STAT4: variants seen among roughly 807,000 people sequenced by gnomAD.
STAT4 encodes signal transducer and activator of transcription 4.
STAT4 carries 42 observed loss-of-function variants against 110.5 expected under a neutral mutation model. The ratio of observed to expected loss-of-function variants is 0.38; its 90% confidence interval spans 0.30 to 0.49. The LOEUF (loss-of-function observed/expected upper bound fraction) is 0.49, where lower values mean the gene tolerates loss of function less well. Ranked by LOEUF, STAT4 falls within the 20% of genes least tolerant of loss-of-function variation. STAT4 has a pLI of 0.95. For synonymous variants in STAT4, 284 were observed against 302.2 expected (o/e 0.94, Z 0.63); for missense variants, 632 against 887.9 (o/e 0.71, Z 3.66).
chr2:191,064,202 T>C (rs975253849), intron 8 of STAT4, among the ~76,000 whole-genome samples: 81 of 152,368 alleles, frequency 5.3e-4, no homozygotes, highest in African/African-American at 1.9e-3. Flanking sequence ...TTTTGATGTA[T>C]GTAAACATTT....
intron 18 of STAT4, among the ~76,000 whole-genome samples, 157 bp downstream of exon 18, chr2:191,034,391 C>A (rs1695987227): frequency 6.6e-6 from 1 of 150,730 alleles, no homozygotes; most frequent in Non-Finnish European, 1.5e-5. Flanking sequence ...CCACTGCACT[C>A]CAGCCTGGGT....
intron 3 of STAT4, among the ~76,000 whole-genome samples, chr2:191,106,135 T>C (rs1055756827): frequency 6.6e-6 from 1 of 152,204 alleles, no homozygotes; most frequent in African/African-American, 2.4e-5. Flanking sequence ...CCTTCTGTCT[T>C]AATTTTTCTG....
intron 4 of STAT4, among the ~76,000 whole-genome samples, chr2:191,073,427 CTA>C (rs1296498476): frequency 6.6e-6 from 1 of 152,210 alleles, no homozygotes; most frequent in Non-Finnish European, 1.5e-5. Context: ...TGGCTCACGC[CTA>C]TAATCCTAGC....
chr2:191,147,191 T>C lies in STAT4; in HGVS notation c.129-434A>G, dbSNP rs1446705984. Among the ~76,000 whole-genome samples the C allele has an allele frequency of 2.0e-5, 3 of 152,166 alleles. No individual in the cohort carries two copies. The highest frequency in any genetic ancestry group is 4.4e-5 in the Non-Finnish European group (3 of 68,014). On this transcript the variant is annotated intron_variant, in intron 2 of 23. Transcript: ENST00000392320. The surrounding 1 kb of genome is among the most constrained non-coding windows in gnomAD (Gnocchi z 4.1). ...AATTAAAAGCAGGGACTCAAACAGA[T>C]ATTTGCATACCAATGTTCCTAGCAG... is the stretch of plus-strand genomic sequence containing the variant.
chr2:191,134,906 C>G (rs1377916000), intron 3 of STAT4, among the ~76,000 whole-genome samples: 1 of 151,794 alleles, frequency 6.6e-6, no homozygotes, highest in Non-Finnish European at 1.5e-5. Context: ...ATATCCAAAT[C>G]TATGAAAAAG....
rs755459201 is a variant in STAT4 at position 191,058,398 on chromosome 2, A to T, written c.1095-179T>A. Among the ~76,000 whole-genome samples, 3 of 152,096 alleles carry T rather than the reference A, an allele frequency of 2.0e-5. No individual in the cohort carries two copies. The highest frequency in any genetic ancestry group is 4.4e-5 in the Non-Finnish European group (3 of 68,006). ...CTACAACCTCTGCCCCCTGGGTTCAAGCGATTCTCCTGCCTCAGCCTCCTG... is the reference window on the plus strand; with the variant it reads ...CTACAACCTCTGCCCCCTGGGTTCATGCGATTCTCCTGCCTCAGCCTCCTG... On this transcript the variant is annotated intron_variant, in intron 11 of 23. Transcript: ENST00000392320. The surrounding 1 kb of genome is among the most constrained non-coding windows in gnomAD (Gnocchi z 4.3).
intron 3 of STAT4, among the ~76,000 whole-genome samples, chr2:191,105,488 A>G (rs1698254518): frequency 6.6e-6 from 1 of 152,194 alleles, no homozygotes; most frequent in African/African-American, 2.4e-5. Flanking sequence ...ACATCAGATT[A>G]TCTTAAACAG....
chr2:191,064,655 G>T, intron 8 of STAT4, 152 bp downstream of exon 8: 1 of 964,012 alleles, frequency 1.0e-6, no homozygotes. Context: ...TATACTATTT[G>T]TTTTCAACTG....
rs1192960800 is a variant in STAT4 at position 191,042,291 on chromosome 2, A to G, written c.1252-1143T>C. Among the ~76,000 whole-genome samples the G allele has an allele frequency of 6.6e-6, 1 of 152,214 alleles. No individual in the cohort carries two copies. The highest frequency in any genetic ancestry group is 1.5e-5 in the Non-Finnish European group (1 of 68,040). ...GACTTTCACATGAAATAAGAATGCA[A>G]AAACAAAAAACTCAGAGGAAAAGCA... On this transcript the variant is annotated intron_variant, in intron 14 of 23. Transcript: ENST00000392320. The surrounding 1 kb of genome is among the most constrained non-coding windows in gnomAD (Gnocchi z 4.2).
At position 191,033,782 on chromosome 2, in the gene STAT4, A is replaced by C; in HGVS notation, c.1715+129T>G. 1 of 1,340,276 alleles carries C rather than the reference A, an allele frequency of 7.5e-7. No homozygotes were observed. The highest frequency in any genetic ancestry group is 1.0e-6 in the Non-Finnish European group (1 of 980,886). The allele number at this position is 1,340,276 out of a possible 1,614,324, so 83.0% of individuals were successfully genotyped here. A position where few individuals can be genotyped will look rare whatever the true frequency, so the allele number is the denominator to read the frequency against. On this transcript the variant is annotated intron_variant, in intron 19 of 23. Transcript: ENST00000392320. The surrounding 1 kb of genome is among the most constrained non-coding windows in gnomAD (Gnocchi z 6.9). ...ATATACATAGTGCCACTCCACAAAGAATAAGAAATTGCAACTATTTTTTTC... is the reference window on the plus strand; with the variant it reads ...ATATACATAGTGCCACTCCACAAAGCATAAGAAATTGCAACTATTTTTTTC...
At chr2:191,131,927 T>C in intron 3 of STAT4, 1 of 1,353,568 alleles carries the variant, frequency 7.4e-7, no homozygotes, top group African/African-American at 1.5e-5. Flanking sequence ...GTCTGTTTAT[T>C]CTCTACACTT....
chr2:191,111,228 T>A (rs984710537), intron 3 of STAT4, among the ~76,000 whole-genome samples: 1 of 152,240 alleles, frequency 6.6e-6, no homozygotes, highest in Admixed American at 6.5e-5. Context: ...GTACAATGCC[T>A]TATCCTTTTC....
Position 191,087,619 on chromosome 2 carries a change from C to T in STAT4, c.274-11294G>A, listed in dbSNP as rs1236653613. The stretch of plus-strand genomic sequence containing the variant: ...AGGCTTCATTTACATAACAAGGCCA[C>T]CTTTGCTGGTCTTGTTATGACCAGC... On this transcript the variant is annotated intron_variant, in intron 3 of 23. Coordinates refer to ENST00000392320, the MANE Select transcript of STAT4 (RefSeq NM_003151.4). Among the ~76,000 whole-genome samples, 7 of 152,198 alleles carry T rather than the reference C, an allele frequency of 4.6e-5. No individual in the cohort carries two copies. In the East Asian group the frequency reaches 5.8e-4, roughly 13 times the overall value.
At chr2:191,151,100 G>C (rs1001462104), upstream of STAT4, 20 of 985,334 alleles carry the variant, frequency 2.0e-5, no homozygotes, top group Non-Finnish European at 2.2e-5. The surrounding 1 kb of genome is among the most constrained non-coding windows in gnomAD (Gnocchi z 4.7). Context: ...CAGTGTTCGA[G>C]TCTCTGGGAC....
chr2:191,034,064 A>G lies in STAT4; in HGVS notation c.1621-59T>C, dbSNP rs554462649. 6.3e-5 allele frequency: 75 copies of G among 1,188,782 alleles called. No individual in the cohort carries two copies. The African/African-American group carries it at 1.1e-3, about 18-fold the overall frequency. The allele number at this position is 1,188,782 out of a possible 1,614,324, so 73.6% of individuals were successfully genotyped here. A position where few individuals can be genotyped will look rare whatever the true frequency, so the allele number is the denominator to read the frequency against. ...TTATTTAAGTAATAATGTTGATATA[A>G]TAATTTAAGTTCAATTTTTCACCAA... On this transcript the variant is annotated intron_variant, in intron 18 of 23. Coordinates refer to ENST00000392320, the MANE Select transcript of STAT4 (RefSeq NM_003151.4).
rs1049321580 is a variant in STAT4, at chr2:191,135,669, T to A, written c.273+10944A>T. On this transcript the variant is annotated intron_variant, in intron 3 of 23. Transcript: ENST00000392320. The surrounding 1 kb of genome is among the most constrained non-coding windows in gnomAD (Gnocchi z 4.8). The stretch of plus-strand genomic sequence containing the variant: ...TTTTAGTAGAGACAGGGTTTCACCA[T>A]GTTGGCTGCACTGGTCTCAAACTCC... Among the ~76,000 whole-genome samples the A allele has an allele frequency of 6.6e-6, 1 of 152,166 alleles. No individual in the cohort carries two copies. Among genetic ancestry groups the A allele is most frequent in the African/African-American group, 2.4e-5 (1 of 41,444 alleles).
At chr2:191,041,216 C>T (rs1696189517) in intron 14 of STAT4, 68 bp from the exon 15 acceptor site, 1 of 789,368 alleles carries the variant, frequency 1.3e-6, no homozygotes, top group Non-Finnish European at 1.8e-6. Flanking sequence ...AGACTTGTTT[C>T]TATATAAATT....
In STAT4 at chr2:191,046,987, T is replaced by A. The variant is rs1438136843; in HGVS notation, c.1252-5839A>T. Among the ~76,000 whole-genome samples the A allele has an allele frequency of 6.6e-6, 1 of 152,186 alleles. No individual in the cohort carries two copies. The highest frequency in any genetic ancestry group is 1.5e-5 in the Non-Finnish European group (1 of 68,018). On this transcript the variant is annotated intron_variant, in intron 14 of 23. Coordinates refer to ENST00000392320, the MANE Select transcript of STAT4 (RefSeq NM_003151.4). This position sits in a 1 kb window ranked among gnomAD's most constrained non-coding sequence, Gnocchi z 4.6. ...AATCATGTGATTAGGAGTTGGAACT[T>A]CTACCCCACTCCCTGACCTCTGGGA...
intron 5 of STAT4, among the ~76,000 whole-genome samples, chr2:191,071,785 TGGGACA>T (rs918677947): frequency 2.6e-5 from 4 of 152,220 alleles, no homozygotes; most frequent in Non-Finnish European, 5.9e-5. Flanking sequence ...AATCAGGCCC[TGGGACA>T]GGGATCAGCT....
Sources: gnomAD v4.1 joint callset for allele counts (sites outside exome capture counted in the v4.1 genomes callset) on GRCh38, gnomAD v4.1.1 for gene constraint, Gnocchi (gnomAD v3.1) non-coding constraint, MANE v1.5 for transcripts, NCBI Gene and HGNC (gene_info 2026-07-23, HGNC 2026-07-21) for gene names.